DOK2: variants seen among roughly 807,000 people sequenced by gnomAD.
DOK2 encodes docking protein 2, 56kD.
A neutral mutation model predicts 26.0 loss-of-function variants in DOK2; 28 were observed. That is an observed-to-expected ratio of 1.08 (90% CI 0.80 to 1.48). The LOEUF is 1.48. Among genes scored for constraint, DOK2 ranks in the 40% most tolerant of loss-of-function variants. DOK2 has a pLI of 0.00. For synonymous variants in DOK2, 282 were observed against 236.9 expected, an observed-to-expected ratio of 1.19 and a Z score of -1.75; for missense variants, 682 against 558.2, an observed-to-expected ratio of 1.22 and a Z score of -2.23.
intron 2 of DOK2, 30 bp from the exon 3 acceptor site, chr8:21,912,018 T>C: frequency 6.5e-7 from 1 of 1,539,346 alleles, no homozygotes; most frequent in African/African-American, 1.4e-5. Flanking sequence ...TCTCATCACC[T>C]TCCCCGATCC....
At position 21,913,649 on chromosome 8, in the gene DOK2, T is replaced by C. The variant is rs1395552706; in HGVS notation, c.-48A>G. The C allele has an allele frequency of 6.2e-7, 1 of 1,603,592 alleles. No individual in the cohort carries two copies. Among genetic ancestry groups the C allele is most frequent in the Non-Finnish European group, 8.5e-7 (1 of 1,171,242 alleles). ...AGGCTTCAGCTCTCTCCTTCACTCC[T>C]GCCCTTGCCTCTCTCTTCTTAGCCG... On this transcript the variant is annotated 5_prime_UTR_variant, in exon 1 of 5. Transcript: ENST00000276420.
chr8:21,911,641 C>T (rs1056380394), intron 3 of DOK2, among the ~76,000 whole-genome samples: 5 of 152,010 alleles, frequency 3.3e-5, no homozygotes, highest in Non-Finnish European at 7.4e-5. Flanking sequence ...CTCACCTGGG[C>T]CCCCAGCCTT....
rs775153682 is a variant in DOK2 at position 21,909,385 on chromosome 8, G to A, written c.1165C>T (p.Gln389Ter). The change falls in exon 5 of 5, where the codon CAG (glutamine) becomes TAG (stop). Residue 389 changes from glutamine (Q) to a stop codon, truncating the protein, a stop_gained. Coordinates refer to ENST00000276420, the MANE Select transcript of DOK2 (RefSeq NM_003974.4). LOFTEE classifies it high-confidence loss of function. ...TGCCAGCCAGAAGCAGAGAAATCCT[G>A]CCCGGCTGGCTGGACATGCTGGAGG... ...AGLQHVQPAG[Q>*]DFSASGWQPG... The A allele has an allele frequency of 3.1e-6, 5 of 1,595,748 alleles. No individual in the cohort carries two copies. Among genetic ancestry groups the A allele is most frequent in the Admixed American group, 1.7e-5 (1 of 57,980 alleles).
chr8:21,909,571 CG>C lies in DOK2; in HGVS notation c.978del (p.Asp327ThrfsTer81). 1 of 1,614,044 alleles carries C rather than the reference CG, an allele frequency of 6.2e-7. No homozygotes were observed. The highest frequency in any genetic ancestry group is 8.5e-7 in the Non-Finnish European group (1 of 1,180,032). On this transcript the variant is annotated frameshift_variant, in exon 5 of 5. Transcript: ENST00000276420. LOFTEE classifies it low-confidence loss of function (END_TRUNC). Reference protein sequence around the residue: ...GILAVPPQLLADPLYDSIEET... With the variant: ...GILAVPPQLLXDPLYDSIEET... ...TCCTCAATGCTGTCGTACAGAGGGTCGGCCAGGAGCTGAGGAGGGACTGCCA... is the reference window on the plus strand; with the variant it reads ...TCCTCAATGCTGTCGTACAGAGGGTCGCCAGGAGCTGAGGAGGGACTGCCA...
Position 21,910,774 on chromosome 8 carries a change from G to A in DOK2, c.517C>T (p.Arg173Trp), listed in dbSNP as rs569587738. 3.7e-5 allele frequency: 60 copies of A among 1,613,894 alleles called. No individual in the cohort carries two copies. Among genetic ancestry groups the A allele is most frequent in the East Asian group, 4.5e-5 (2 of 44,884 alleles). ...AGCTCCAGGGCACTCTCCCCAGCCC[G>A]GAGGGTATAGGACCCCCGCAGGTGG... The part of the protein sequence containing the change: ...RCHLRGSYTL[R>W]AGESALELWG... Residue 173 changes from arginine (R) to tryptophan (W), a missense_variant, in exon 4 of 5, where the codon CGG becomes TGG. By Grantham distance (101) the Arg-to-Trp change is moderately radical. Coordinates refer to ENST00000276420, the MANE Select transcript of DOK2 (RefSeq NM_003974.4).
Position 21,909,081 on chromosome 8 carries a change from G to C in DOK2, c.*230C>G, listed in dbSNP as rs934199782. ...TCCTCCTCAGCTGGGGAAAGAAAGA[G>C]GAGGAAGTGGAAAAAGAGTAGGAGG... On this transcript the variant is annotated 3_prime_UTR_variant, in exon 5 of 5. Transcript: ENST00000276420. The C allele has an allele frequency of 2.4e-5, 11 of 452,292 alleles. No homozygotes were observed. Among genetic ancestry groups the C allele is most frequent in the Middle Eastern group, 1.1e-3 (2 of 1,748 alleles). 28.0% of individuals were successfully genotyped at this position (452,292 alleles called of 1,614,324 possible).
intron 1 of DOK2, 135 bp downstream of exon 1, chr8:21,913,404 T>C (rs1328750516): frequency 3.9e-6 from 4 of 1,029,700 alleles, no homozygotes; most frequent in African/African-American, 1.6e-5. Context: ...CCTCCCAAAG[T>C]TGAGCTCTGG....
In DOK2 at chr8:21,912,338, C is replaced by CG. The variant is rs757884231; in HGVS notation, c.235dup (p.Arg79ProfsTer59). 1 of 1,607,380 alleles carries CG rather than the reference C, an allele frequency of 6.2e-7. No homozygotes were observed. The highest frequency in any genetic ancestry group is 1.3e-5 in the African/African-American group (1 of 74,756). On this transcript the variant is annotated frameshift_variant, in exon 2 of 5. Transcript: ENST00000276420. LOFTEE classifies it high-confidence loss of function. ...CTCCAGGAAGAAGGCACTGGTGTCC[C>CG]GGGGGCTGCTGGCCTCTCCGCCGGC...
rs1809771045 is a variant in DOK2 at position 21,909,919 on chromosome 8, AG to A, written c.630del (p.Phe211LeufsTer197). ...RRFGRDKVTF[S>X]FEAGRRCVSG... is the part of the protein sequence containing the mutation. ...GAGACGCAGCGACGGCCTGCCTCAA[AG>A]GAAAAGGTTACCTGGACCAGGGAGA... On this transcript the variant is annotated frameshift_variant, in exon 5 of 5. Transcript: ENST00000276420. LOFTEE classifies it low-confidence loss of function (END_TRUNC). 1.2e-6 allele frequency: 2 copies of A among 1,609,554 alleles called. No homozygotes were observed. Among genetic ancestry groups the A allele is most frequent in the South Asian group, 2.2e-5 (2 of 91,058 alleles).
chr8:21,912,554 AGAGACGGG>A (rs1195410893), intron 1 of DOK2, 44 bp from the exon 2 acceptor site: 1 of 1,453,184 alleles, frequency 6.9e-7, no homozygotes, highest in Non-Finnish European at 9.0e-7. Context: ...GGAGCCACCC[AGAGACGGG>A]GAGATCGTGA....
At chr8:21,912,110 C>G in intron 2 of DOK2, 119 bp downstream of exon 2, 1 of 1,467,318 alleles carries the variant, frequency 6.8e-7, no homozygotes, top group Non-Finnish European at 9.0e-7. Context: ...CGGGTCCCCC[C>G]ACATGGAGGA....
chr8:21,909,878 A>C lies in DOK2; in HGVS notation c.672T>G (p.Phe224Leu), dbSNP rs1809767702. 3.1e-6 allele frequency: 5 copies of C among 1,613,690 alleles called. No homozygotes were observed. The highest frequency in any genetic ancestry group is 2.5e-6 in the Non-Finnish European group (3 of 1,180,008). Residue 224 changes from phenylalanine (F) to leucine (L), a missense_variant, in exon 5 of 5, where the codon TTT becomes TTG. Coordinates refer to ENST00000276420, the MANE Select transcript of DOK2 (RefSeq NM_003974.4). Reference sequence around the variant, plus strand: ...CATTGCCTTGCCGGGTTTCGAACTCAAAGTTGCCCTCTCCAGAGACGCAGC... The same window carrying C: ...CATTGCCTTGCCGGGTTTCGAACTCCAAGTTGCCCTCTCCAGAGACGCAGC... ...GRRCVSGEGN[F>L]EFETRQGNEI...
chr8:21,909,817 G>A lies in DOK2; in HGVS notation c.733C>T (p.Gln245Ter). The A allele has an allele frequency of 6.2e-7, 1 of 1,613,934 alleles. No individual in the cohort carries two copies. Residue 245 changes from glutamine (Q) to a stop codon, truncating the protein, a stop_gained, in exon 5 of 5, where the codon CAG (glutamine) becomes TAG (stop). Transcript: ENST00000276420. LOFTEE classifies it low-confidence loss of function (END_TRUNC). ...GGTGTAGCGGGTGCAGCATTCTTCT[G>A]GGCAGAGATGGCCTCTTCCAGGGCC... ...FLALEEAISAQKNAAPATPQP... is the reference protein window; with the variant it reads ...FLALEEAISA
At chr8:21,910,900 A>G (rs749142572) in intron 3 of DOK2, 43 bp from the exon 4 acceptor site, 54 of 1,553,428 alleles carry the variant, frequency 3.5e-5, no homozygotes, top group Non-Finnish European at 4.6e-5. Flanking sequence ...GTTAATGGGA[A>G]ACAGCTGGCC....
At position 21,912,380 on chromosome 8, in the gene DOK2, C is replaced by T; in HGVS notation, c.194G>A (p.Cys65Tyr). The change falls in exon 2 of 5, where the codon TGC becomes TAC. Residue 65 changes from cysteine (C) to tyrosine (Y), a missense_variant. Transcript: ENST00000276420. ...TCCGCCGGCCTCGGCCACCCGCAGG[C>T]AGTCACTGAGGCGGATGACCTTCCG... ...AARKVIRLSD[C>Y]LRVAEAGGEA... The T allele has an allele frequency of 6.2e-7, 1 of 1,604,064 alleles. No individual in the cohort carries two copies. Among genetic ancestry groups the T allele is most frequent in the Non-Finnish European group, 8.5e-7 (1 of 1,176,882 alleles).
Position 21,909,560 on chromosome 8 carries a change from G to A in DOK2, c.990C>T (p.Tyr330=), listed in dbSNP as rs143505230. 408 of 1,614,024 alleles carry A rather than the reference G, an allele frequency of 2.5e-4. No homozygotes were observed. Among genetic ancestry groups the A allele is most frequent in the Non-Finnish European group, 3.4e-4 (397 of 1,180,036 alleles). Residue 330 remains tyrosine (Y), a synonymous_variant, in exon 5 of 5, where the codon TAC becomes TAT. Coordinates refer to ENST00000276420, the MANE Select transcript of DOK2 (RefSeq NM_003974.4). ...VPPQLLADPL[Y]DSIEETLPPR... ...GGGGCAGGGTCTCCTCAATGCTGTC[G>A]TACAGAGGGTCGGCCAGGAGCTGAG...
At position 21,912,419 on chromosome 8, in the gene DOK2, C is replaced by G. The variant is rs759200913; in HGVS notation, c.155G>C (p.Arg52Pro). The change falls in exon 2 of 5, where the codon CGG becomes CCG. Residue 52 changes from arginine (R) to proline (P), a missense_variant. Transcript: ENST00000276420. ...ELQEGPEKPRRCEAARKVIRL... is the reference protein window; with the variant it reads ...ELQEGPEKPRPCEAARKVIRL... ...GATGACCTTCCGGGCAGCCTCACAC[C>G]GACGAGGCTTCTCCGGGCCCTCCTG... The G allele has an allele frequency of 1.3e-6, 2 of 1,583,784 alleles. No homozygotes were observed. The highest frequency in any genetic ancestry group is 2.3e-5 in the East Asian group (1 of 42,792).
intron 4 of DOK2, 78 bp downstream of exon 4, chr8:21,910,595 C>T: frequency 6.4e-7 from 1 of 1,557,902 alleles, no homozygotes; most frequent in Non-Finnish European, 8.7e-7. Flanking sequence ...TCTCTCCCAT[C>T]CCCTCGCTGC....
chr8:21,913,273 G>A (rs1563300651), intron 1 of DOK2, among the ~76,000 whole-genome samples: 1 of 152,166 alleles, frequency 6.6e-6, no homozygotes, highest in South Asian at 2.1e-4. Flanking sequence ...AGCAAAAGAG[G>A]CAAGAGATGA....
Sources: allele counts gnomAD v4.1 joint callset (sites outside exome capture counted in the v4.1 genomes callset), GRCh38; gene constraint gnomAD v4.1.1; transcripts MANE v1.5; gene names NCBI Gene and HGNC (gene_info 2026-07-23, HGNC 2026-07-21).